ASIC2: variants seen among roughly 807,000 people sequenced by gnomAD.
ASIC2 encodes the protein acid sensing ion channel subunit 2.
In ASIC2, 25 loss-of-function variants were observed where a neutral mutation model predicts 57.3. The ratio of observed to expected loss-of-function variants is 0.44; its 90% CI spans 0.32 to 0.61. The LOEUF is 0.61. ASIC2 is among the 20% of genes least tolerant of loss of function. The pLI is 0.06. For missense variants in ASIC2, 641 were observed against 738.1 expected, an observed-to-expected ratio of 0.87 and a Z score of 1.52; for synonymous variants, 319 against 307.5, an observed-to-expected ratio of 1.04 and a Z score of -0.39.
At chr17:33,561,842 A>T (rs1455011990) in intron 1 of ASIC2, among the ~76,000 whole-genome samples, 1 of 152,228 alleles carries the variant, frequency 6.6e-6, no homozygotes, top group Non-Finnish European at 1.5e-5. Flanking sequence ...AGTGCAGATC[A>T]CTTCAAAAAT....
At chr17:33,834,770 G>T (rs749540588) in intron 1 of ASIC2, among the ~76,000 whole-genome samples, 3 of 152,164 alleles carry the variant, frequency 2.0e-5, no homozygotes, top group Admixed American at 6.6e-5. Context: ...CCAAGAGAGT[G>T]CTGCCTCTGT....
intron 3 of ASIC2, among the ~76,000 whole-genome samples, chr17:33,045,991 C>T: frequency 6.6e-6 from 1 of 152,186 alleles, no homozygotes; most frequent in East Asian, 1.9e-4. Flanking sequence ...AGGGTCTACT[C>T]ATATGGACTA....
At chr17:34,153,611 T>G (rs570463187) in intron 1 of ASIC2, among the ~76,000 whole-genome samples, 2 of 152,212 alleles carry the variant, frequency 1.3e-5, no homozygotes, top group Non-Finnish European at 1.5e-5. Context: ...TGTGCCCAGC[T>G]GGGGCCAGAG....
chr17:33,376,291 T>TA (rs1909274071), intron 1 of ASIC2, among the ~76,000 whole-genome samples: 1 of 150,000 alleles, frequency 6.7e-6, no homozygotes, highest in Non-Finnish European at 1.5e-5. Flanking sequence ...AGAAATGAGC[T>TA]AATGGGGTGC....
chr17:33,208,569 C>A (rs539386574), intron 1 of ASIC2, among the ~76,000 whole-genome samples: 12 of 152,240 alleles, frequency 7.9e-5, no homozygotes, highest in African/African-American at 2.9e-4. Flanking sequence ...AAGTGACCTC[C>A]TTAGAGGTTG....
intron 1 of ASIC2, among the ~76,000 whole-genome samples, chr17:33,528,291 T>C (rs995600018): frequency 2.6e-5 from 4 of 151,408 alleles, no homozygotes; most frequent in Non-Finnish European, 5.9e-5. Context: ...TCACATGGGC[T>C]TCCTGTGGGG....
At chr17:33,055,153 A>C (rs1185226539) in intron 3 of ASIC2, among the ~76,000 whole-genome samples, 1 of 152,202 alleles carries the variant, frequency 6.6e-6, no homozygotes, top group Non-Finnish European at 1.5e-5. Context: ...ACAAGCTCAA[A>C]ACAGTGAGAA....
At chr17:33,134,217 C>T (rs1185667178) in intron 1 of ASIC2, among the ~76,000 whole-genome samples, 1 of 152,202 alleles carries the variant, frequency 6.6e-6, no homozygotes, top group Non-Finnish European at 1.5e-5. Flanking sequence ...TATAAGAAAG[C>T]CAAGCTCAGA....
chr17:33,598,451 A>C (rs1905039937), intron 1 of ASIC2, among the ~76,000 whole-genome samples: 1 of 152,216 alleles, frequency 6.6e-6, no homozygotes, highest in Non-Finnish European at 1.5e-5. Flanking sequence ...CATGTCAGTA[A>C]TTAGACCCAA....
At chr17:33,158,693 A>G (rs1250865399) in intron 1 of ASIC2, among the ~76,000 whole-genome samples, 1 of 152,258 alleles carries the variant, frequency 6.6e-6, no homozygotes. Context: ...CTTGTCACCC[A>G]TGAGTGACTT....
At chr17:34,131,572 T>C (rs960561819) in intron 1 of ASIC2, among the ~76,000 whole-genome samples, 6 of 152,204 alleles carry the variant, frequency 3.9e-5, no homozygotes, top group African/African-American at 1.2e-4. Flanking sequence ...TACCCCTGCC[T>C]GGGCACGCAA....
At chr17:33,907,394 A>G (rs1262914604) in intron 1 of ASIC2, among the ~76,000 whole-genome samples, 1 of 152,228 alleles carries the variant, frequency 6.6e-6, no homozygotes, top group Non-Finnish European at 1.5e-5. Flanking sequence ...AAATGCTGGC[A>G]GTCTCACCTT....
intron 3 of ASIC2, among the ~76,000 whole-genome samples, chr17:33,044,778 T>A (rs2091945723): frequency 6.6e-6 from 1 of 152,198 alleles, no homozygotes; most frequent in Admixed American, 6.5e-5. Context: ...AGAACAGACA[T>A]GCACATAACC....
intron 1 of ASIC2, among the ~76,000 whole-genome samples, chr17:33,888,909 C>A (rs1161537254): frequency 6.6e-6 from 1 of 152,072 alleles, no homozygotes; most frequent in Non-Finnish European, 1.5e-5. Context: ...AACGTAGGAA[C>A]CATTGCATGG....
chr17:33,434,401 A>T (rs1911532276), intron 1 of ASIC2, among the ~76,000 whole-genome samples: 1 of 152,188 alleles, frequency 6.6e-6, no homozygotes, highest in African/African-American at 2.4e-5. Flanking sequence ...CCAACACCAA[A>T]ATATATTCTG....
At chr17:33,759,631 G>T (rs931964301) in intron 1 of ASIC2, among the ~76,000 whole-genome samples, 1 of 152,112 alleles carries the variant, frequency 6.6e-6, no homozygotes, top group African/African-American at 2.4e-5. Flanking sequence ...ATGGCAGAAT[G>T]GTTTCAGGGG....
chr17:33,682,624 C>A (rs1441017963), intron 1 of ASIC2, among the ~76,000 whole-genome samples: 2 of 149,138 alleles, frequency 1.3e-5, no homozygotes, highest in Non-Finnish European at 3.0e-5. Context: ...AGCATGATTG[C>A]AAGAGAACAG....
chr17:33,833,510 G>A (rs1274280808), intron 1 of ASIC2, among the ~76,000 whole-genome samples: 1 of 151,884 alleles, frequency 6.6e-6, no homozygotes, highest in East Asian at 1.9e-4. Context: ...GTGTGTGTAT[G>A]TGCGTGTGTG....
chr17:33,570,908 G>C (rs1916412745), intron 1 of ASIC2, among the ~76,000 whole-genome samples: 1 of 152,138 alleles, frequency 6.6e-6, no homozygotes, highest in African/African-American at 2.4e-5. Flanking sequence ...ATGCTTCACA[G>C]AGGCCTCAGC....
Sources: allele counts gnomAD v4.1 joint callset (sites outside exome capture counted in the v4.1 genomes callset), GRCh38; gene constraint gnomAD v4.1.1; transcripts MANE v1.5; gene names NCBI Gene and HGNC (gene_info 2026-07-23, HGNC 2026-07-21).